The following GREB1L variants were observed in gnomAD, a reference collection of about 807,000 sequenced individuals.
GREB1L encodes GREB1 like retinoic acid receptor coactivator.
GREB1L carries 17 observed loss-of-function variants against 200.8 expected under a neutral mutation model. The observed-to-expected ratio is 0.08, with a 90% CI of 0.06 to 0.13. The LOEUF is 0.13. GREB1L is among the 10% of genes least tolerant of loss of function. GREB1L has a pLI of 1.00. For missense variants in GREB1L, 1,657 were observed against 2,367.7 expected (o/e 0.70, Z 6.23); for synonymous variants, 789 against 893.0 (o/e 0.88, Z 2.08).
chr18:21,347,682 C>T (rs1473769239), intron 1 of GREB1L, among the ~76,000 whole-genome samples: 1 of 151,426 alleles, frequency 6.6e-6, no homozygotes, highest in Non-Finnish European at 1.5e-5. Context: ...GTCTCGAACT[C>T]CTGACCTCAG....
chr18:21,411,408 A>G (rs1368750603), intron 7 of GREB1L, among the ~76,000 whole-genome samples: 1 of 151,900 alleles, frequency 6.6e-6, no homozygotes, highest in East Asian at 2.0e-4. Flanking sequence ...GGGTTTCACC[A>G]TGTTAGCCAG....
At chr18:21,277,149 C>T (rs1567918647) in intron 1 of GREB1L, among the ~76,000 whole-genome samples, 1 of 152,016 alleles carries the variant, frequency 6.6e-6, no homozygotes, top group African/African-American at 2.4e-5. Flanking sequence ...AGGATGGTCT[C>T]AATCTCCTGA....
At chr18:21,306,515 G>A (rs1470045149) in intron 1 of GREB1L, among the ~76,000 whole-genome samples, 2 of 152,178 alleles carry the variant, frequency 1.3e-5, no homozygotes, top group East Asian at 3.8e-4. Flanking sequence ...GATGTGTTAT[G>A]TGCTTGAACA....
chr18:21,417,121 T>C (rs980086622), intron 7 of GREB1L, among the ~76,000 whole-genome samples: 1 of 152,142 alleles, frequency 6.6e-6, no homozygotes, highest in African/African-American at 2.4e-5. Context: ...ATGTAATTAG[T>C]ACAGGGGAAC....
chr18:21,284,117 A>G (rs2038315649), intron 1 of GREB1L, among the ~76,000 whole-genome samples: 1 of 152,166 alleles, frequency 6.6e-6, no homozygotes, highest in Non-Finnish European at 1.5e-5. Context: ...TCAGCCTGTC[A>G]CACACCCCTA....
chr18:21,370,100 A>G (rs1051354958), intron 2 of GREB1L, among the ~76,000 whole-genome samples: 4 of 152,190 alleles, frequency 2.6e-5, no homozygotes, highest in Admixed American at 6.5e-5. Flanking sequence ...ATAAAAATGA[A>G]ATAAAGCACT....
chr18:21,434,336 C>T (rs373926847), intron 7 of GREB1L, among the ~76,000 whole-genome samples: 2 of 151,694 alleles, frequency 1.3e-5, no homozygotes, highest in East Asian at 1.9e-4. Flanking sequence ...ATTAGCTGGG[C>T]GTGGTGGCGT....
intron 21 of GREB1L, among the ~76,000 whole-genome samples, chr18:21,497,819 C>CA (rs1280195292): frequency 1.6e-5 from 2 of 125,906 alleles, no homozygotes; most frequent in Admixed American, 7.9e-5. Flanking sequence ...CCACCCCCCC[C>CA]CCTTTTTTTT....
chr18:21,320,097 A>G (rs2038929104), intron 1 of GREB1L, among the ~76,000 whole-genome samples: 1 of 152,214 alleles, frequency 6.6e-6, no homozygotes, highest in Admixed American at 6.5e-5. Context: ...AGCTCAAAAT[A>G]TGGTCCTAGT....
intron 5 of GREB1L, among the ~76,000 whole-genome samples, chr18:21,397,888 G>C (rs2041152600): frequency 6.6e-6 from 1 of 152,130 alleles, no homozygotes; most frequent in Non-Finnish European, 1.5e-5. Flanking sequence ...CTTACGTAGG[G>C]ACACAACAGT....
intron 1 of GREB1L, among the ~76,000 whole-genome samples, chr18:21,258,895 A>T (rs2144082337): frequency 6.6e-6 from 1 of 152,352 alleles, no homozygotes; most frequent in South Asian, 2.1e-4. Flanking sequence ...GTGTATTTCC[A>T]GGATAATACT....
intron 27 of GREB1L, among the ~76,000 whole-genome samples, chr18:21,513,248 G>A (rs1453370844): frequency 6.6e-6 from 1 of 152,196 alleles, no homozygotes; most frequent in African/African-American, 2.4e-5. Context: ...ATTGCCTCTT[G>A]CAAAAGGCAG....
Position 21,501,351 on chromosome 18 carries a change from C to A in GREB1L, c.4072+709C>A, listed in dbSNP as rs372866544. On this transcript the variant is annotated intron_variant, in intron 23 of 32. Transcript: ENST00000424526. Reference sequence around the variant, plus strand: ...ATGGTGGTTTGCTGCACCTACCAACCCGTCATCTACGTTTTAAGCCCCGCA... The same window carrying A: ...ATGGTGGTTTGCTGCACCTACCAACACGTCATCTACGTTTTAAGCCCCGCA... 4.6e-5 allele frequency among the ~76,000 whole-genome samples: 7 copies of A among 151,940 alleles called. 1 individual carries two copies. The South Asian group carries it at 1.5e-3, about 32-fold the overall frequency.
intron 7 of GREB1L, among the ~76,000 whole-genome samples, chr18:21,438,970 AAAAAAAAAAG>A (rs2033726742): frequency 1.3e-5 from 2 of 150,660 alleles, no homozygotes; most frequent in Non-Finnish European, 3.0e-5. Flanking sequence ...CAAAAAAAAA[AAAAAAAAAAG>A]AAAAGAAAAG....
intron 15 of GREB1L, among the ~76,000 whole-genome samples, chr18:21,470,783 A>G (rs1332712522): frequency 1.3e-5 from 2 of 152,242 alleles, no homozygotes; most frequent in African/African-American, 4.8e-5. Context: ...AGAAAGCACA[A>G]AAATGGAAGC....
chr18:21,491,548 A>C (rs2036334911), intron 19 of GREB1L, among the ~76,000 whole-genome samples: 1 of 151,974 alleles, frequency 6.6e-6, no homozygotes, highest in Admixed American at 6.6e-5. Flanking sequence ...TTTTTACTAA[A>C]AATACAAAAA....
chr18:21,270,872 T>C (rs1337537595), intron 1 of GREB1L, among the ~76,000 whole-genome samples: 1 of 152,228 alleles, frequency 6.6e-6, no homozygotes, highest in East Asian at 1.9e-4. Context: ...GAGTACATTG[T>C]ATTGATTGTG....
intron 1 of GREB1L, among the ~76,000 whole-genome samples, chr18:21,361,680 G>A (rs1413102825): frequency 6.6e-6 from 1 of 150,802 alleles, no homozygotes; most frequent in Non-Finnish European, 1.5e-5. Context: ...TTTTTTTCCT[G>A]TGTGGATTTC....
chr18:21,508,243 C>T lies in GREB1L; in HGVS notation c.4494C>T (p.His1498=), dbSNP rs978934023. The T allele has an allele frequency of 1.2e-5, 18 of 1,551,818 alleles. No homozygotes were observed. The Admixed American group carries it at 3.3e-4, about 29-fold the overall frequency. ...TTGTCTTCAGCAAGCAGGGCAAGCA[C>T]CTGGAGAGCATGCGGCTGCCCCTGG... ...SHFVFSKQGK[H]LESMRLPLVS... Residue 1498 remains histidine, a synonymous_variant, in exon 26 of 33, where the codon CAC becomes CAT. Coordinates refer to ENST00000424526, the MANE Select transcript of GREB1L (RefSeq NM_001142966.3).
Sources: gnomAD v4.1 joint callset for allele counts (sites outside exome capture counted in the v4.1 genomes callset) on GRCh38, gnomAD v4.1.1 for gene constraint, MANE v1.5 for transcripts, NCBI Gene and HGNC (gene_info 2026-07-23, HGNC 2026-07-21) for gene names.